Variants in ASNS observed in about 807,000 individuals in gnomAD.
ASNS encodes asparagine synthetase [glutamine-hydrolyzing].
A neutral mutation model predicts 62.6 loss-of-function variants in ASNS; 37 were observed. The ratio of observed to expected loss-of-function variants is 0.59; its 90% CI spans 0.45 to 0.78. The LOEUF (loss-of-function observed/expected upper bound fraction) is 0.78. Among genes scored for constraint, ASNS ranks in the 30% least tolerant of loss-of-function variants. ASNS has a pLI of 0.00. For synonymous variants in ASNS, 207 were observed against 237.9 expected, an observed-to-expected ratio of 0.87 and a Z score of 1.19; for missense variants, 520 against 682.4, an observed-to-expected ratio of 0.76 and a Z score of 2.65.
intron 7 of ASNS, among the ~76,000 whole-genome samples, chr7:97,857,196 T>C (rs559620067): frequency 6.6e-6 from 1 of 152,336 alleles, no homozygotes; most frequent in South Asian, 2.1e-4. Context: ...ATCCAGGATG[T>C]TATTCTTATA....
upstream of ASNS, among the ~76,000 whole-genome samples, chr7:97,874,393 C>G (rs1277452423): frequency 6.6e-6 from 1 of 152,088 alleles, no homozygotes; most frequent in Non-Finnish European, 1.5e-5. Flanking sequence ...GTACTTAACG[C>G]AATTATTACA....
intron 3 of ASNS, 50 bp from the exon 4 acceptor site, chr7:97,864,546 T>C: frequency 7.8e-7 from 1 of 1,286,626 alleles, no homozygotes; most frequent in East Asian, 2.3e-5. Flanking sequence ...GTACATTCAC[T>C]AATAATTTTT....
At chr7:97,921,229 T>C in the ASNS span, among the ~76,000 whole-genome samples, 11,669 of 152,224 alleles carry the variant, frequency 0.077, 900 homozygotes, top group African/African-American at 0.2. Context: ...GACTCATGGC[T>C]GCCTGGGACG....
At chr7:97,913,217 G>A in the ASNS span, 2 of 152,266 alleles carry the variant, frequency 1.3e-5, no homozygotes, top group Non-Finnish European at 2.9e-5. Context: ...AGTGGAGACA[G>A]AAAGACTGGA....
chr7:97,898,791 A>G, the ASNS span: 5 of 717,890 alleles, frequency 7.0e-6, no homozygotes, highest in Non-Finnish European at 1.3e-5. Context: ...ACCATGGAAC[A>G]TATTTTGTCA....
At chr7:97,870,307 A>G in intron 1 of ASNS, 5 of 516,152 alleles carry the variant, frequency 9.7e-6, no homozygotes, top group Non-Finnish European at 1.7e-5. Flanking sequence ...AGATGTTTTA[A>G]TTAAAACATC....
At chr7:97,865,169 T>C (rs1188455519) in intron 3 of ASNS, among the ~76,000 whole-genome samples, 2 of 152,204 alleles carry the variant, frequency 1.3e-5, no homozygotes, top group Non-Finnish European at 2.9e-5. Context: ...ATCATTTTCA[T>C]ATGCTTATAA....
intron 4 of ASNS, among the ~76,000 whole-genome samples, chr7:97,861,251 A>T (rs1791704852): frequency 1.3e-5 from 2 of 152,008 alleles, no homozygotes; most frequent in Non-Finnish European, 2.9e-5. Context: ...TGACCTCGTG[A>T]TCCACCCGCC....
At chr7:97,928,054 C>A in the ASNS span, 11 of 1,376,600 alleles carry the variant, frequency 8.0e-6, no homozygotes, top group Non-Finnish European at 1.1e-5. Context: ...TCCCGGCACC[C>A]CCGGACCCCC....
At chr7:97,912,890 AT>A in the ASNS span, 41,144 of 149,658 alleles carry the variant, frequency 0.27, 5,661 homozygotes, top group East Asian at 0.41. Flanking sequence ...CCAATTTGCT[AT>A]TTTTTTTTTA....
chr7:97,868,624 T>C (rs1030736669), intron 3 of ASNS, among the ~76,000 whole-genome samples: 16 of 152,100 alleles, frequency 1.1e-4, no homozygotes, highest in African/African-American at 3.9e-4. Context: ...CTTTACTGTA[T>C]GTTAGGAATT....
chr7:97,879,598 G>A, the ASNS span, among the ~76,000 whole-genome samples: 2 of 152,174 alleles, frequency 1.3e-5, no homozygotes, highest in Non-Finnish European at 2.9e-5. Flanking sequence ...GGAACCTGGG[G>A]CCCTGAGACC....
chr7:97,890,672 A>G, the ASNS span, among the ~76,000 whole-genome samples: 3 of 152,200 alleles, frequency 2.0e-5, no homozygotes, highest in Admixed American at 2.0e-4. Context: ...ATTTGATCCC[A>G]GGAGTTCAAG....
At chr7:97,896,739 C>CATATATATATATATATAT in the ASNS span, among the ~76,000 whole-genome samples, 192 of 31,848 alleles carry the variant, frequency 6.0e-3, 3 homozygotes, top group Admixed American at 0.011. Flanking sequence ...CACACACACA[C>CATATATATATATATATAT]ACATATATAT....
chr7:97,870,529 T>C (rs1022797183), intron 1 of ASNS, among the ~76,000 whole-genome samples: 1 of 152,240 alleles, frequency 6.6e-6, no homozygotes, highest in African/African-American at 2.4e-5. Context: ...CCAAATAATA[T>C]ATGGTTAGAA....
chr7:97,920,485 C>T, the ASNS span, among the ~76,000 whole-genome samples: 4 of 152,126 alleles, frequency 2.6e-5, no homozygotes, highest in Non-Finnish European at 5.9e-5. Flanking sequence ...AGCCAGACTC[C>T]CTAGAGAAGG....
At chr7:97,922,541 C>T in the ASNS span, among the ~76,000 whole-genome samples, 2 of 148,848 alleles carry the variant, frequency 1.3e-5, no homozygotes, top group Admixed American at 6.6e-5. Flanking sequence ...TTAATAACAA[C>T]ATAACATACA....
At chr7:97,914,093 T>C in the ASNS span, among the ~76,000 whole-genome samples, 1 of 73,944 alleles carries the variant, frequency 1.4e-5, no homozygotes, top group African/African-American at 5.4e-5. Flanking sequence ...GTGGGTTGGA[T>C]GGATAGATGG....
the ASNS span, among the ~76,000 whole-genome samples, chr7:97,883,031 C>G: frequency 1.3e-5 from 2 of 152,192 alleles, no homozygotes; most frequent in African/African-American, 4.8e-5. Flanking sequence ...AGCTGGGAGT[C>G]AACCTCCTGC....
Sources: allele counts gnomAD v4.1 joint callset (sites outside exome capture counted in the v4.1 genomes callset), GRCh38; gene constraint gnomAD v4.1.1; transcripts MANE v1.5; gene names NCBI Gene and HGNC (gene_info 2026-07-23, HGNC 2026-07-21).